CREB3L3: variants seen among roughly 807,000 people sequenced by gnomAD.
CREB3L3 encodes cAMP responsive element binding protein 3 like 3.
In CREB3L3, 40 loss-of-function variants were observed where a neutral mutation model predicts 44.6. That is an observed-to-expected ratio of 0.90 (90% CI 0.70 to 1.17). CREB3L3 has a LOEUF of 1.17. Ranked by LOEUF, CREB3L3 falls within the 50% of genes most tolerant of loss-of-function variation. CREB3L3 has a pLI of 0.00. For missense variants in CREB3L3, 578 were observed against 595.8 expected (o/e 0.97, Z 0.31); for synonymous variants, 273 against 256.3 (o/e 1.06, Z -0.62).
In CREB3L3 at chr19:4,157,005, C is replaced by T. The variant is rs889976627; in HGVS notation, c.167C>T (p.Pro56Leu). The stretch of plus-strand genomic sequence containing the variant: ...CCCTGTCCACCCCAGCAGGTCCTGC[C>T]AAACCCCGACTCTGACGACTTCCTC... ...WGHVKDQQVLPNPDSDDFLSS... is the reference protein window; with the variant it reads ...WGHVKDQQVLLNPDSDDFLSS... Residue 56 changes from proline (P) to leucine (L), a missense_variant, in exon 3 of 10, where the codon CCA becomes CTA. Physicochemically the swap from Pro to Leu is moderately conservative, Grantham distance 98 (BLOSUM62 -3). Coordinates refer to ENST00000078445, the MANE Select transcript of CREB3L3 (RefSeq NM_032607.3). The T allele has an allele frequency of 1.2e-6, 2 of 1,613,966 alleles. No homozygotes were observed. Among genetic ancestry groups the T allele is most frequent in the African/African-American group, 1.3e-5 (1 of 74,888 alleles).
chr19:4,170,333 C>T (rs1006517949), intron 7 of CREB3L3, 125 bp downstream of exon 7: 19 of 922,406 alleles, frequency 2.1e-5, no homozygotes, highest in Middle Eastern at 2.1e-4. Context: ...CTATGGGCCG[C>T]GTGCAGTGGC....
intron 3 of CREB3L3, among the ~76,000 whole-genome samples, chr19:4,158,512 A>C (rs1322300504): frequency 6.7e-6 from 1 of 149,438 alleles, no homozygotes; most frequent in Non-Finnish European, 1.5e-5. Context: ...AAAGCCAAAA[A>C]CAAAAAATGC....
chr19:4,171,494 C>T lies in CREB3L3; in HGVS notation c.1072+15C>T. 1 of 1,612,356 alleles carries T rather than the reference C, an allele frequency of 6.2e-7. No individual in the cohort carries two copies. The highest frequency in any genetic ancestry group is 8.5e-7 in the Non-Finnish European group (1 of 1,178,484). On this transcript the variant is annotated intron_variant, in intron 9 of 9. Transcript: ENST00000078445. This position sits in a 1 kb window ranked among gnomAD's most constrained non-coding sequence, Gnocchi z 4.9. ...GCCTGTACGAGGTAGGGGATCCCCA[C>T]CTTTGAAACCCTTGTCTGGTCTCCC...
chr19:4,161,481 T>C (rs2041662402), intron 4 of CREB3L3, among the ~76,000 whole-genome samples: 2 of 152,162 alleles, frequency 1.3e-5, no homozygotes, highest in South Asian at 4.1e-4. Flanking sequence ...ATTTGCCCAA[T>C]GCTACACAGC....
chr19:4,172,293 A>G lies in CREB3L3; in HGVS notation c.*324A>G. ...GCCTGAAACAGACCCGGACAGACAG[A>G]CACAGCCTGAAACAGACCCAGACAA... On this transcript the variant is annotated 3_prime_UTR_variant, in exon 10 of 10. Transcript: ENST00000078445. 1 of 501,984 alleles carries G rather than the reference A, an allele frequency of 2.0e-6. No individual in the cohort carries two copies. The highest frequency in any genetic ancestry group is 3.6e-6 in the Non-Finnish European group (1 of 278,494). 31.1% of individuals were successfully genotyped at this position (501,984 alleles called of 1,614,324 possible).
intron 2 of CREB3L3, 110 bp downstream of exon 2, chr19:4,155,137 C>A (rs1282442076): frequency 2.2e-6 from 3 of 1,333,352 alleles, no homozygotes; most frequent in Non-Finnish European, 3.2e-6. Context: ...CTGCTCAGCT[C>A]TACGATGCAC....
At position 4,171,090 on chromosome 19, in the gene CREB3L3, G is replaced by A. The variant is rs1293137002; in HGVS notation, c.891-1G>A. ...AGCGGAGGCCTGCCTGTCTCTCTAA[G>A]GTCCCTCTTGGAGCAACTGAAGAAA... is the stretch of plus-strand genomic sequence containing the variant. On this transcript the variant is annotated splice_acceptor_variant, in intron 7 of 9. Transcript: ENST00000078445. LOFTEE classifies it high-confidence loss of function. The surrounding 1 kb of genome is among the most constrained non-coding windows in gnomAD (Gnocchi z 4.9). 6.2e-7 allele frequency: 1 copy of A among 1,613,680 alleles called. No homozygotes were observed. The highest frequency in any genetic ancestry group is 8.5e-7 in the Non-Finnish European group (1 of 1,179,592).
In CREB3L3 at chr19:4,171,842, A is replaced by G. The variant is rs1052403622; in HGVS notation, c.1259A>G (p.Asn420Ser). 1.9e-6 allele frequency: 3 copies of G among 1,613,452 alleles called. No individual in the cohort carries two copies. Among genetic ancestry groups the G allele is most frequent in the Non-Finnish European group, 2.5e-6 (3 of 1,180,002 alleles). ...ACCAATTCGACGGAGGAGCTGGACAACGCCACCCTGGTCCTGAGGAATGCA... is the reference window on the plus strand; with the variant it reads ...ACCAATTCGACGGAGGAGCTGGACAGCGCCACCCTGGTCCTGAGGAATGCA... ...NLTNSTEELD[N>S]ATLVLRNATE... The change falls in exon 10 of 10, where the codon AAC becomes AGC. Residue 420 changes from asparagine (N) to serine (S), a missense_variant. Transcript: ENST00000078445. The surrounding 1 kb of genome is among the most constrained non-coding windows in gnomAD (Gnocchi z 4.9).
chr19:4,158,489 T>C (rs2041615652), intron 3 of CREB3L3, among the ~76,000 whole-genome samples: 1 of 150,310 alleles, frequency 6.7e-6, no homozygotes, highest in Admixed American at 6.7e-5. Context: ...AGAGCCAGAC[T>C]CTGTCTCGAA....
Position 4,156,990 on chromosome 19 carries a change from C to T in CREB3L3, c.157-5C>T. 1 of 1,614,072 alleles carries T rather than the reference C, an allele frequency of 6.2e-7. No homozygotes were observed. On this transcript the variant is annotated splice_region_variant and splice_polypyrimidine_tract_variant and intron_variant, in intron 2 of 9. Coordinates refer to ENST00000078445, the MANE Select transcript of CREB3L3 (RefSeq NM_032607.3). ...ATTCCTACTACCCCTCCCTGTCCAC[C>T]CCAGCAGGTCCTGCCAAACCCCGAC...
intron 1 of CREB3L3, among the ~76,000 whole-genome samples, chr19:4,154,662 C>T (rs1414033418): frequency 1.4e-4 from 22 of 152,124 alleles, no homozygotes; most frequent in Non-Finnish European, 1.5e-5. Flanking sequence ...GCATGAGCCA[C>T]CACATCCAGC....
rs377239800 is a variant in CREB3L3 at position 4,159,763 on chromosome 19, C to T, written c.557C>T (p.Ser186Leu). The change falls in exon 4 of 10, where the codon TCG becomes TTG. Residue 186 changes from serine (S) to leucine (L), a missense_variant. Coordinates refer to ENST00000078445, the MANE Select transcript of CREB3L3 (RefSeq NM_032607.3). ...CNLTVKDLLL[S>L]GSSGDLQQHH... ...CTCACCGTGAAAGACCTCCTCCTTT[C>T]GGGCAGCAGTGGGGACCTGGTGAGC... is the stretch of plus-strand genomic sequence containing the variant. 5.2e-6 allele frequency: 8 copies of T among 1,536,228 alleles called. No homozygotes were observed. Among genetic ancestry groups the T allele is most frequent in the Non-Finnish European group, 6.3e-6 (7 of 1,109,172 alleles).
intron 4 of CREB3L3, among the ~76,000 whole-genome samples, chr19:4,163,042 T>C (rs2041679546): frequency 6.6e-6 from 1 of 151,996 alleles, no homozygotes; most frequent in Non-Finnish European, 1.5e-5. Context: ...GCGCGGTGGC[T>C]CACGCCTGTG....
chr19:4,164,047 C>G (rs971417243), intron 4 of CREB3L3, among the ~76,000 whole-genome samples: 3 of 147,584 alleles, frequency 2.0e-5, no homozygotes, highest in Non-Finnish European at 4.5e-5. Context: ...AATCTCGGCT[C>G]ACTGCAACCT....
Position 4,172,309 on chromosome 19 carries a change from AC to A in CREB3L3, c.*343del. 2 of 465,798 alleles carry A rather than the reference AC, an allele frequency of 4.3e-6. No individual in the cohort carries two copies. Among genetic ancestry groups the A allele is most frequent in the Non-Finnish European group, 7.8e-6 (2 of 257,376 alleles). The allele number at this position is 465,798 out of a possible 1,614,324, so 28.9% of individuals were successfully genotyped here. A position where few individuals can be genotyped will look rare whatever the true frequency, so the allele number is the denominator to read the frequency against. On this transcript the variant is annotated 3_prime_UTR_variant, in exon 10 of 10. Transcript: ENST00000078445. The stretch of plus-strand genomic sequence containing the variant: ...GACAGACAGACACAGCCTGAAACAG[AC>A]CCAGACAAACAGACAGACAGACACA...
At chr19:4,164,468 T>C (rs775496647) in intron 4 of CREB3L3, 35 bp from the exon 5 acceptor site, 23 of 1,612,986 alleles carry the variant, frequency 1.4e-5, no homozygotes, top group Non-Finnish European at 1.9e-5. Flanking sequence ...TTGGCGTCCC[T>C]GCACCCGCCG....
At chr19:4,157,437 AG>A (rs2041600415) in intron 3 of CREB3L3, 142 bp downstream of exon 3, 2 of 879,734 alleles carry the variant, frequency 2.3e-6, no homozygotes, top group Middle Eastern at 3.2e-4. Context: ...ACTCAAACTC[AG>A]GACACGTGTC....
intron 1 of CREB3L3, among the ~76,000 whole-genome samples, chr19:4,154,125 G>A (rs1474799860): frequency 6.6e-6 from 1 of 152,098 alleles, no homozygotes; most frequent in Admixed American, 6.6e-5. Flanking sequence ...AGGCTAGAGT[G>A]CAATGGCACG....
At chr19:4,164,213 T>C (rs1195612740) in intron 4 of CREB3L3, among the ~76,000 whole-genome samples, 6 of 151,902 alleles carry the variant, frequency 3.9e-5, no homozygotes, top group Non-Finnish European at 7.4e-5. Context: ...GACCTAGTGA[T>C]TTGCCCACCT....
Sources: allele counts gnomAD v4.1 joint callset (sites outside exome capture counted in the v4.1 genomes callset), GRCh38; gene constraint gnomAD v4.1.1; non-coding constraint Gnocchi (gnomAD v3.1); transcripts MANE v1.5; gene names NCBI Gene and HGNC (gene_info 2026-07-23, HGNC 2026-07-21).